The following KIF15 variants were observed in gnomAD, a reference collection of about 807,000 sequenced individuals.
KIF15 encodes kinesin-like protein KIF15.
In KIF15, 140 loss-of-function variants were observed where a neutral mutation model predicts 190.6. That is an observed-to-expected ratio of 0.73 (90% CI 0.64 to 0.84). The LOEUF is 0.84. Among genes scored for constraint, KIF15 ranks in the 40% least tolerant of loss-of-function variants. The pLI is 0.00. For missense variants in KIF15, 1,372 were observed against 1,584.4 expected (o/e 0.87, Z 2.28); for synonymous variants, 528 against 551.3 (o/e 0.96, Z 0.59).
At chr3:44,795,605 T>G (rs1706937699) in intron 8 of KIF15, among the ~76,000 whole-genome samples, 1 of 152,136 alleles carries the variant, frequency 6.6e-6, no homozygotes, top group South Asian at 2.1e-4. Context: ...TATGAAGGGT[T>G]AAGTATCTAG....
chr3:44,784,823 G>GTTTTTTTTTTTTTTTTTTTTTTTTTTT, intron 5 of KIF15, 22 bp from the exon 6 acceptor site: 1 of 1,100,566 alleles, frequency 9.1e-7, no homozygotes, highest in Non-Finnish European at 1.3e-6. Context: ...AAAATCCAGT[G>GTTTTTTTTTTTTTTTTTTTTTTTTTTT]TTTTTTTTTT....
rs1000340220 is a variant in KIF15, at chr3:44,801,214, G to T, written c.1223-236G>T. On this transcript the variant is annotated intron_variant, in intron 11 of 34. Coordinates refer to ENST00000326047, the MANE Select transcript of KIF15 (RefSeq NM_020242.3). ...TAGTAGAGATCGGGGGCGGCGGGAGGGGGGGGTCTCACCATGTTGGCCAGG... is the reference window on the plus strand; with the variant it reads ...TAGTAGAGATCGGGGGCGGCGGGAGTGGGGGGTCTCACCATGTTGGCCAGG... 3.3e-5 allele frequency among the ~76,000 whole-genome samples: 5 copies of T among 150,582 alleles called. 1 individual carries two copies. The highest frequency in any genetic ancestry group is 6.6e-5 in the Admixed American group (1 of 15,070).
At chr3:44,835,922 A>T (rs1698287913) in intron 26 of KIF15, among the ~76,000 whole-genome samples, 1 of 152,246 alleles carries the variant, frequency 6.6e-6, no homozygotes, top group African/African-American at 2.4e-5. Context: ...GAAAATAAAA[A>T]TACAAGCCAG....
chr3:44,828,197 T>G lies in KIF15; in HGVS notation c.2857-17T>G, dbSNP rs1329838659. 2 of 1,583,210 alleles carry G rather than the reference T, an allele frequency of 1.3e-6. No individual in the cohort carries two copies. The highest frequency in any genetic ancestry group is 3.4e-5 in the Admixed American group (2 of 59,614). ...CGATTTAATTATTCTTCTAAAAATA[T>G]TTCTTTTTCACCATAGATGGCAAAA... On this transcript the variant is annotated splice_polypyrimidine_tract_variant and intron_variant, in intron 23 of 34. Transcript: ENST00000326047.
At chr3:44,827,379 T>C in intron 22 of KIF15, 80 bp from the exon 23 acceptor site, 1 of 971,648 alleles carries the variant, frequency 1.0e-6, no homozygotes. Flanking sequence ...CATTTGCACT[T>C]AATCTATTCT....
At chr3:44,845,649 C>CT (rs982150574) in intron 30 of KIF15, among the ~76,000 whole-genome samples, 8 of 152,102 alleles carry the variant, frequency 5.3e-5, no homozygotes, top group African/African-American at 1.7e-4. Context: ...TGTCAAAACC[C>CT]TAACAAAGTG....
chr3:44,853,270 C>T (rs1254353962), downstream of KIF15: 1 of 152,256 alleles, frequency 6.6e-6, no homozygotes, highest in African/African-American at 2.4e-5. Flanking sequence ...AAGTGACTTA[C>T]ATTGTTCATT....
intron 5 of KIF15, among the ~76,000 whole-genome samples, chr3:44,781,985 C>T (rs1404012982): frequency 1.3e-5 from 2 of 151,938 alleles, no homozygotes; most frequent in South Asian, 2.1e-4. Flanking sequence ...TTTTGACTTA[C>T]TTAAGGTTTT....
At chr3:44,789,622 A>G (rs1222131720) in intron 7 of KIF15, among the ~76,000 whole-genome samples, 1 of 138,252 alleles carries the variant, frequency 7.2e-6, no homozygotes, top group Non-Finnish European at 1.5e-5. Context: ...TTTCAGTTTC[A>G]TTGCGATTTT....
rs3749197 is a variant in KIF15, at chr3:44,862,276, C to A, written c.*59+9482C>A. On this transcript the variant is annotated intron_variant and NMD_transcript_variant, in intron 6 of 6. Coordinates refer to the KIF15 transcript ENST00000422209. Reference sequence around the variant, plus strand: ...TCGCCGGTCTGTCCCGCCGGGGCCCCGGGCCGCGGGCGGCGCTGCGGTCAG... The same window carrying A: ...TCGCCGGTCTGTCCCGCCGGGGCCCAGGGCCGCGGGCGGCGCTGCGGTCAG... 586 of 340,744 alleles carry A rather than the reference C, an allele frequency of 1.7e-3. 16 individuals carry two copies. In the East Asian group the frequency reaches 0.079, roughly 46 times the overall value. 21.1% of individuals were successfully genotyped at this position (340,744 alleles called of 1,614,324 possible).
chr3:44,864,358 G>A (rs775777869), intron 6 of KIF15: 1 of 1,613,864 alleles, frequency 6.2e-7, no homozygotes, highest in East Asian at 2.2e-5. Context: ...GTAGCCTGAG[G>A]GTGTGGTGCT....
At chr3:44,860,344 G>C (rs749148671) in intron 6 of KIF15, among the ~76,000 whole-genome samples, 3 of 152,024 alleles carry the variant, frequency 2.0e-5, no homozygotes, top group Non-Finnish European at 2.9e-5. Context: ...AAATGGGACA[G>C]TTTGTACCAT....
At chr3:44,814,269 T>C (rs1027799601) in intron 19 of KIF15, among the ~76,000 whole-genome samples, 4 of 152,082 alleles carry the variant, frequency 2.6e-5, no homozygotes. Context: ...ACTCAAAATA[T>C]GTTACATCTT....
chr3:44,802,553 C>A (rs1707327003), intron 13 of KIF15, among the ~76,000 whole-genome samples: 1 of 152,134 alleles, frequency 6.6e-6, no homozygotes, highest in South Asian at 2.1e-4. Context: ...GAAAAGCCTG[C>A]CACAATGTAC....
chr3:44,808,670 A>G (rs1442869973), intron 16 of KIF15, among the ~76,000 whole-genome samples: 1 of 149,152 alleles, frequency 6.7e-6, no homozygotes, highest in African/African-American at 2.5e-5. Context: ...ACTCAGGGAT[A>G]TGCCTTAGAT....
chr3:44,837,803 T>C (rs1304969790), intron 26 of KIF15, among the ~76,000 whole-genome samples: 1 of 152,188 alleles, frequency 6.6e-6, no homozygotes, highest in Non-Finnish European at 1.5e-5. Flanking sequence ...TTCCTGAAAC[T>C]TTGATGGTCT....
chr3:44,854,277 C>T (rs764631767), downstream of KIF15, among the ~76,000 whole-genome samples: 6 of 151,286 alleles, frequency 4.0e-5, no homozygotes, highest in East Asian at 3.9e-4. Context: ...CCCAGCTACT[C>T]GTGAGGCTGA....
intron 32 of KIF15, among the ~76,000 whole-genome samples, chr3:44,851,366 C>G (rs897366854): frequency 1.3e-5 from 2 of 152,166 alleles, no homozygotes; most frequent in African/African-American, 2.4e-5. Context: ...TGTATAAATT[C>G]TAAACAACTG....
At position 44,826,193 on chromosome 3, in the gene KIF15, T is replaced by A; in HGVS notation, c.2700+4T>A. On this transcript the variant is annotated splice_donor_region_variant and intron_variant, in intron 21 of 34. Coordinates refer to ENST00000326047, the MANE Select transcript of KIF15 (RefSeq NM_020242.3). ...AACTCTGAAATCTGATCTGAATGTA[T>A]GTTAAGAAGGGTGAATTTGTCCCGC... The A allele has an allele frequency of 6.4e-7, 1 of 1,568,530 alleles. No homozygotes were observed. The highest frequency in any genetic ancestry group is 1.2e-5 in the South Asian group (1 of 83,776).
Sources: allele counts gnomAD v4.1 joint callset (sites outside exome capture counted in the v4.1 genomes callset), GRCh38; gene constraint gnomAD v4.1.1; transcripts MANE v1.5; gene names NCBI Gene and HGNC (gene_info 2026-07-23, HGNC 2026-07-21).